Variants in OSGIN2 observed in about 807,000 individuals in gnomAD.
OSGIN2 encodes the protein oxidative stress-induced growth inhibitor 2.
Under a neutral mutation model 53.8 loss-of-function variants are expected in OSGIN2, and 19 were observed. That is an observed-to-expected ratio of 0.35 (90% CI 0.25 to 0.52). OSGIN2 has a LOEUF of 0.52. OSGIN2 is among the 20% of genes least tolerant of loss of function. OSGIN2 has a pLI of 0.95. For missense variants in OSGIN2, 520 were observed against 662.7 expected (o/e 0.78, Z 2.36); for synonymous variants, 236 against 236.0 (o/e 1.00, Z 0.00).
intron 1 of OSGIN2, among the ~76,000 whole-genome samples, chr8:89,903,462 A>G (rs933534928): frequency 2.0e-5 from 3 of 152,262 alleles, no homozygotes; most frequent in Non-Finnish European, 4.4e-5. Flanking sequence ...TGGAAAGACC[A>G]GACACTAGAA....
At chr8:89,909,512 TA>T (rs1808922158) in intron 1 of OSGIN2, 54 bp from the exon 2 acceptor site, 5 of 929,184 alleles carry the variant, frequency 5.4e-6, no homozygotes, top group Non-Finnish European at 7.5e-6. Flanking sequence ...GATTGATTTT[TA>T]TAAAGGCTAT....
chr8:89,925,582 A>C lies in OSGIN2; in HGVS notation c.*50A>C. 2.0e-6 allele frequency: 3 copies of C among 1,472,278 alleles called. No individual in the cohort carries two copies. Among genetic ancestry groups the C allele is most frequent in the Non-Finnish European group, 2.8e-6 (3 of 1,077,798 alleles). The allele number at this position is 1,472,278 out of a possible 1,614,324, so 91.2% of individuals were successfully genotyped here. The stretch of plus-strand genomic sequence containing the variant: ...GGACAGTTTGCCATTAAAGATTTTT[A>C]ATAGTGGTTTTGCAGTGTACTGGCT... On this transcript the variant is annotated 3_prime_UTR_variant, in exon 6 of 6. Coordinates refer to ENST00000451899, the MANE Select transcript of OSGIN2 (RefSeq NM_001126111.3).
chr8:89,909,852 TA>T (rs1454020644), intron 2 of OSGIN2, 131 bp downstream of exon 2: 1 of 515,644 alleles, frequency 1.9e-6, no homozygotes, highest in African/African-American at 2.0e-5. Flanking sequence ...GCTAAAAAAC[TA>T]ATAACCAAAT....
intron 1 of OSGIN2, among the ~76,000 whole-genome samples, chr8:89,903,642 C>T (rs957971214): frequency 6.6e-5 from 10 of 152,100 alleles, no homozygotes; most frequent in Non-Finnish European, 1.3e-4. Context: ...ATTTAGGTAA[C>T]CCATGAACTT....
At chr8:89,909,404 G>C (rs975588129) in intron 1 of OSGIN2, among the ~76,000 whole-genome samples, 163 bp from the exon 2 acceptor site, 6 of 152,112 alleles carry the variant, frequency 3.9e-5, no homozygotes, top group African/African-American at 1.4e-4. Flanking sequence ...TTGACATGTA[G>C]CGAAGCTACT....
chr8:89,906,141 T>TAA, intron 1 of OSGIN2, among the ~76,000 whole-genome samples: 1 of 152,298 alleles, frequency 6.6e-6, no homozygotes, highest in African/African-American at 2.4e-5. Flanking sequence ...GGTAAACATG[T>TAA]GTCATGGGAG....
intron 1 of OSGIN2, among the ~76,000 whole-genome samples, chr8:89,905,400 T>A (rs1201234404): frequency 6.6e-6 from 1 of 152,230 alleles, no homozygotes; most frequent in Admixed American, 6.5e-5. Context: ...TAAGCTCTTG[T>A]TTTAAATAGA....
chr8:89,914,534 G>A (rs751618456), intron 3 of OSGIN2, 21 bp from the exon 4 acceptor site: 5 of 1,594,088 alleles, frequency 3.1e-6, no homozygotes, highest in Non-Finnish European at 4.3e-6. Flanking sequence ...TTCAAACTCT[G>A]TCTCCCTTTT....
intron 1 of OSGIN2, among the ~76,000 whole-genome samples, chr8:89,904,486 C>G (rs1228664532): frequency 6.6e-6 from 1 of 152,042 alleles, no homozygotes; most frequent in Non-Finnish European, 1.5e-5. Flanking sequence ...GATTAATAAA[C>G]CACACTTTTT....
At chr8:89,910,799 C>T (rs1808952580) in intron 2 of OSGIN2, among the ~76,000 whole-genome samples, 1 of 152,326 alleles carries the variant, frequency 6.6e-6, no homozygotes, top group Admixed American at 6.5e-5. Context: ...ACTCCACTTC[C>T]CACAAAGCAG....
At chr8:89,917,088 C>G (rs148679989) in intron 4 of OSGIN2, among the ~76,000 whole-genome samples, 93 of 152,262 alleles carry the variant, frequency 6.1e-4, no homozygotes, top group African/African-American at 2.0e-3. Flanking sequence ...CATTATATCC[C>G]AAGTTTTGTT....
At chr8:89,907,086 A>T (rs1012726581) in intron 1 of OSGIN2, among the ~76,000 whole-genome samples, 4 of 152,066 alleles carry the variant, frequency 2.6e-5, no homozygotes, top group Admixed American at 2.6e-4. Flanking sequence ...GTGTCTGTTC[A>T]TGTCCTTTGC....
chr8:89,903,155 T>C (rs542506143), intron 1 of OSGIN2, among the ~76,000 whole-genome samples: 1 of 152,268 alleles, frequency 6.6e-6, no homozygotes, highest in South Asian at 2.1e-4. Flanking sequence ...TGAAGGGGGT[T>C]CTACGAAGTG....
At chr8:89,919,662 C>G (rs939307010) in intron 4 of OSGIN2, among the ~76,000 whole-genome samples, 1 of 152,148 alleles carries the variant, frequency 6.6e-6, no homozygotes, top group African/African-American at 2.4e-5. Flanking sequence ...AAGGTTGGAA[C>G]AACGCAGGCC....
Position 89,925,698 on chromosome 8 carries a change from A to G in OSGIN2, c.*166A>G. On this transcript the variant is annotated 3_prime_UTR_variant, in exon 6 of 6. Transcript: ENST00000451899. ...TTACTAGAATTTGGTATCCTGATTTATATTGCAGTGTTTCAAAGGTGTCAC... is the reference window on the plus strand; with the variant it reads ...TTACTAGAATTTGGTATCCTGATTTGTATTGCAGTGTTTCAAAGGTGTCAC... 1 of 568,716 alleles carries G rather than the reference A, an allele frequency of 1.8e-6. No individual in the cohort carries two copies. The highest frequency in any genetic ancestry group is 3.1e-6 in the Non-Finnish European group (1 of 323,812). The allele number at this position is 568,716 out of a possible 1,614,324, so 35.2% of individuals were successfully genotyped here.
intron 2 of OSGIN2, 70 bp from the exon 3 acceptor site, chr8:89,914,007 A>AG: frequency 1.5e-6 from 2 of 1,316,146 alleles, no homozygotes; most frequent in Non-Finnish European, 2.1e-6. Flanking sequence ...TCTTCAAAGT[A>AG]GGACAAAAGC....
At chr8:89,913,315 A>C (rs563429982) in intron 2 of OSGIN2, among the ~76,000 whole-genome samples, 20 of 152,342 alleles carry the variant, frequency 1.3e-4, no homozygotes, top group African/African-American at 4.3e-4. Context: ...CCCAGGAGTG[A>C]GGGAAGACAG....
At chr8:89,911,141 A>G (rs1266874197) in intron 2 of OSGIN2, among the ~76,000 whole-genome samples, 1 of 152,096 alleles carries the variant, frequency 6.6e-6, no homozygotes, top group African/African-American at 2.4e-5. Context: ...AAAATCAGCA[A>G]TGTTGTTTCT....
At chr8:89,915,983 TAG>T (rs140776829) in intron 4 of OSGIN2, among the ~76,000 whole-genome samples, 2,439 of 152,316 alleles carry the variant, frequency 0.016, 63 homozygotes, top group African/African-American at 0.056. Context: ...TGCATCCATT[TAG>T]AGTGTATAAT....
Sources: allele counts gnomAD v4.1 joint callset (sites outside exome capture counted in the v4.1 genomes callset), GRCh38; gene constraint gnomAD v4.1.1; transcripts MANE v1.5; gene names NCBI Gene and HGNC (gene_info 2026-07-23, HGNC 2026-07-21).